The following MORC3 variants were observed in gnomAD, a reference collection of about 807,000 sequenced individuals.
MORC3 encodes MORC family CW-type zinc finger protein 3.
Under a neutral mutation model 109.1 loss-of-function variants are expected in MORC3, and 31 were observed. That is an observed-to-expected ratio of 0.28 (90% CI 0.21 to 0.38). The LOEUF is 0.38. Ranked by LOEUF, MORC3 falls within the 10% of genes least tolerant of loss-of-function variation. MORC3 has a pLI of 1.00. For synonymous variants in MORC3, 395 were observed against 380.7 expected, an observed-to-expected ratio of 1.04 and a Z score of -0.44; for missense variants, 867 against 1,135.8, an observed-to-expected ratio of 0.76 and a Z score of 3.40.
At chr21:36,334,377 T>C (rs973116687) in intron 2 of MORC3, among the ~76,000 whole-genome samples, 4 of 152,228 alleles carry the variant, frequency 2.6e-5, no homozygotes, top group African/African-American at 9.6e-5. Flanking sequence ...TTTCATAGTG[T>C]TTAGGATTTA....
At position 36,372,829 on chromosome 21, in the gene MORC3, T is replaced by C. The variant is rs542520844; in HGVS notation, c.2666+298T>C. 2.4e-4 allele frequency among the ~76,000 whole-genome samples: 37 copies of C among 152,220 alleles called. 1 individual carries two copies. In the South Asian group the frequency reaches 2.9e-3, roughly 12 times the overall value. Reference sequence around the variant, plus strand: ...AAGGAAAATAAAAATGGACAAGATATTGAAGAATAGGGGGAATTTGGCCAT... The same window carrying C: ...AAGGAAAATAAAAATGGACAAGATACTGAAGAATAGGGGGAATTTGGCCAT... On this transcript the variant is annotated intron_variant, in intron 16 of 16. Coordinates refer to ENST00000400485, the MANE Select transcript of MORC3 (RefSeq NM_015358.3).
intron 9 of MORC3, among the ~76,000 whole-genome samples, chr21:36,355,792 G>GA (rs1203624087): frequency 0.019 from 2,556 of 136,506 alleles, 57 homozygotes; most frequent in African/African-American, 0.06. Context: ...TACAAAAAAT[G>GA]AAAAAAAAAA....
At position 36,322,786 on chromosome 21, in the gene MORC3, T is replaced by C. The variant is rs144437685; in HGVS notation, c.39+2483T>C. ...TTTTACCCCTGTAATTCTAGTGAAA[T>C]GAAATGCATATACTTTGGTTTTTGT... On this transcript the variant is annotated intron_variant, in intron 1 of 16. Coordinates refer to ENST00000400485, the MANE Select transcript of MORC3 (RefSeq NM_015358.3). Among the ~76,000 whole-genome samples the C allele has an allele frequency of 6.1e-3, 930 of 152,308 alleles. 4 individuals carry two copies. The highest frequency in any genetic ancestry group is 0.021 in the African/African-American group (869 of 41,574).
chr21:36,328,177 G>A (rs1334900733), intron 1 of MORC3, among the ~76,000 whole-genome samples: 3 of 151,674 alleles, frequency 2.0e-5, no homozygotes, highest in African/African-American at 7.3e-5. Context: ...ACGCCCAGCT[G>A]TCCTATATTT....
intron 2 of MORC3, 90 bp from the exon 3 acceptor site, chr21:36,336,784 A>G (rs1006422045): frequency 1.6e-6 from 2 of 1,262,774 alleles, no homozygotes; most frequent in African/African-American, 1.5e-5. Context: ...CTTAAAACAT[A>G]GTCTTCTATT....
intron 14 of MORC3, among the ~76,000 whole-genome samples, chr21:36,368,585 A>G (rs1264137481): frequency 6.6e-6 from 1 of 152,204 alleles, no homozygotes; most frequent in Non-Finnish European, 1.5e-5. Context: ...TTAGTATTGC[A>G]AAACTTATAG....
At chr21:36,333,518 TC>T (rs1177535756) in intron 1 of MORC3, 127 bp from the exon 2 acceptor site, 8 of 707,904 alleles carry the variant, frequency 1.1e-5, no homozygotes, top group Non-Finnish European at 1.7e-5. Context: ...TCCAGATGTA[TC>T]CTGGAGCAAG....
At chr21:36,364,549 T>G (rs2085756547) in intron 14 of MORC3, among the ~76,000 whole-genome samples, 1 of 151,284 alleles carries the variant, frequency 6.6e-6, no homozygotes, top group African/African-American at 2.4e-5. Context: ...CCAGGCGTGG[T>G]GGCGGGCACC....
In MORC3 at chr21:36,360,074, T is replaced by TC; in HGVS notation, c.1329dup (p.Arg444GlnfsTer4). 1 of 1,614,176 alleles carries TC rather than the reference T, an allele frequency of 6.2e-7. No homozygotes were observed. On this transcript the variant is annotated frameshift_variant, in exon 11 of 17. Coordinates refer to ENST00000400485, the MANE Select transcript of MORC3 (RefSeq NM_015358.3). LOFTEE classifies it high-confidence loss of function. ...TGCTCCAATAACCCTGACCCACAGTTCAGGTACCATAGAGTTGGTAGTACC... is the reference window on the plus strand; with the variant it reads ...TGCTCCAATAACCCTGACCCACAGTTCCAGGTACCATAGAGTTGGTAGTACC...
At position 36,354,581 on chromosome 21, in the gene MORC3, G is replaced by A. The variant is rs1880055318; in HGVS notation, c.1104-2039G>A. 7.9e-5 allele frequency among the ~76,000 whole-genome samples: 12 copies of A among 152,128 alleles called. No individual in the cohort carries two copies. The South Asian group carries it at 2.5e-3, about 31-fold the overall frequency. On this transcript the variant is annotated intron_variant, in intron 9 of 16. Coordinates refer to ENST00000400485, the MANE Select transcript of MORC3 (RefSeq NM_015358.3). Reference sequence around the variant, plus strand: ...GTCTTCCAAAGTGCTGGGATTACAGGCGTGAGCCACCGTGCCCAGTGCATT... The same window carrying A: ...GTCTTCCAAAGTGCTGGGATTACAGACGTGAGCCACCGTGCCCAGTGCATT...
chr21:36,339,763 A>G (rs1482026300), intron 5 of MORC3, among the ~76,000 whole-genome samples: 1 of 152,232 alleles, frequency 6.6e-6, no homozygotes, highest in African/African-American at 2.4e-5. Context: ...AATCACAGGA[A>G]TAAAGCACAG....
intron 1 of MORC3, among the ~76,000 whole-genome samples, chr21:36,323,736 C>G (rs2085217818): frequency 6.6e-6 from 1 of 152,180 alleles, no homozygotes; most frequent in Admixed American, 6.5e-5. Flanking sequence ...CCTGGAAGCT[C>G]AAGTCCTTAA....
At chr21:36,360,372 T>A (rs1297319011) in intron 12 of MORC3, 114 bp downstream of exon 12, 2 of 1,083,988 alleles carry the variant, frequency 1.8e-6, no homozygotes, top group Non-Finnish European at 2.7e-6. Flanking sequence ...TGAAAAAGTT[T>A]ATAATGTGGA....
chr21:36,321,282 T>G (rs4817794), intron 1 of MORC3, among the ~76,000 whole-genome samples: 90,822 of 152,064 alleles, frequency 0.6, 28,148 homozygotes, highest in East Asian at 0.99. Flanking sequence ...TGAAATGATA[T>G]TTGCTTTTAC....
chr21:36,356,544 A>T (rs897549617), intron 9 of MORC3, 76 bp from the exon 10 acceptor site: 9 of 888,408 alleles, frequency 1.0e-5, no homozygotes, highest in Non-Finnish European at 1.6e-5. Flanking sequence ...CACAGTGTCT[A>T]TGTACTCATT....
intron 15 of MORC3, among the ~76,000 whole-genome samples, chr21:36,371,372 T>A (rs2085864935): frequency 6.6e-6 from 1 of 152,132 alleles, no homozygotes. Context: ...CCATCATAGG[T>A]TGGAAACAGC....
chr21:36,335,292 A>G (rs1160454026), intron 2 of MORC3, among the ~76,000 whole-genome samples: 1 of 149,266 alleles, frequency 6.7e-6, no homozygotes, highest in Non-Finnish European at 1.5e-5. Context: ...TAGATGGAAG[A>G]TAAAAGAAAA....
At chr21:36,324,119 C>T (rs1217198043) in intron 1 of MORC3, among the ~76,000 whole-genome samples, 2 of 152,148 alleles carry the variant, frequency 1.3e-5, no homozygotes, top group African/African-American at 4.8e-5. Flanking sequence ...AGGTAATCTG[C>T]CCGCCCTGGC....
intron 1 of MORC3, among the ~76,000 whole-genome samples, chr21:36,323,482 TTAG>T (rs1363730877): frequency 2.0e-5 from 3 of 152,054 alleles, no homozygotes; most frequent in Non-Finnish European, 4.4e-5. Flanking sequence ...TTTGTTATTG[TTAG>T]TGGTGGAGAA....
Sources: allele counts gnomAD v4.1 joint callset (sites outside exome capture counted in the v4.1 genomes callset), GRCh38; gene constraint gnomAD v4.1.1; transcripts MANE v1.5; gene names NCBI Gene and HGNC (gene_info 2026-07-23, HGNC 2026-07-21).